SHC4: variants seen among roughly 807,000 people sequenced by gnomAD.
SHC4 encodes SHC-transforming protein 4.
Under a neutral mutation model 69.4 loss-of-function variants are expected in SHC4, and 41 were observed. That is an observed-to-expected ratio of 0.59 (90% confidence interval 0.46 to 0.77). SHC4 has a LOEUF of 0.77. Ranked by LOEUF, SHC4 falls within the 30% of genes least tolerant of loss-of-function variation. The pLI, the probability that SHC4 is intolerant of heterozygous loss-of-function variation, is 0.00. For missense variants in SHC4, 777 were observed against 783.8 expected (o/e 0.99, Z 0.10); for synonymous variants, 318 against 299.3 (o/e 1.06, Z -0.64).
At chr15:48,892,345 C>T (rs993604720) in intron 2 of SHC4, among the ~76,000 whole-genome samples, 7 of 152,054 alleles carry the variant, frequency 4.6e-5, no homozygotes, top group Non-Finnish European at 1.0e-4. Flanking sequence ...ATTATCTTGT[C>T]TGATTTTTGC....
At chr15:48,927,995 G>T (rs563616593) in intron 1 of SHC4, among the ~76,000 whole-genome samples, 1 of 152,228 alleles carries the variant, frequency 6.6e-6, no homozygotes, top group South Asian at 2.1e-4. Context: ...GTGGGCACTC[G>T]ATAAACACTT....
intron 1 of SHC4, among the ~76,000 whole-genome samples, chr15:48,925,753 G>A (rs1900843076): frequency 6.6e-6 from 1 of 152,200 alleles, no homozygotes; most frequent in African/African-American, 2.4e-5. Context: ...GGAGGCTTAA[G>A]TCAGCGGCAG....
chr15:48,836,501 T>TA (rs1473327243), intron 10 of SHC4, among the ~76,000 whole-genome samples: 1 of 152,192 alleles, frequency 6.6e-6, no homozygotes, highest in Non-Finnish European at 1.5e-5. Flanking sequence ...GTATGTTTAA[T>TA]AAGGCAAATT....
chr15:48,848,840 A>T (rs1317818647), intron 9 of SHC4, among the ~76,000 whole-genome samples: 5 of 152,100 alleles, frequency 3.3e-5, no homozygotes, highest in African/African-American at 1.2e-4. Flanking sequence ...ATTTTTTTTT[A>T]ATTAATCAAG....
chr15:48,902,184 G>C (rs962436178), intron 2 of SHC4, among the ~76,000 whole-genome samples: 7 of 149,930 alleles, frequency 4.7e-5, no homozygotes, highest in Non-Finnish European at 1.0e-4. Context: ...GCCTGGGCCA[G>C]GAAGTGAGAC....
Position 48,962,958 on chromosome 15 carries a change from C to T in SHC4, c.58G>A (p.Gly20Arg), listed in dbSNP as rs777019738. ...AGLVLYVGLF[G>R]HPGMLHRAKY... ...GCCCTGTGCAGCATCCCGGGGTGCC[C>T]GAAGAGTCCTACATACAGCACGAGT... The change falls in exon 1 of 12, where the codon GGG becomes AGG. Residue 20 changes from glycine (G) to arginine (R), a missense_variant. Coordinates refer to ENST00000332408, the MANE Select transcript of SHC4 (RefSeq NM_203349.4). 6.2e-7 allele frequency: 1 copy of T among 1,612,970 alleles called. No individual in the cohort carries two copies. The highest frequency in any genetic ancestry group is 8.5e-7 in the Non-Finnish European group (1 of 1,179,940).
chr15:48,917,956 C>T (rs763102653), intron 2 of SHC4, among the ~76,000 whole-genome samples: 21 of 152,290 alleles, frequency 1.4e-4, no homozygotes, highest in Admixed American at 2.6e-4. Context: ...GTTGCTGTCT[C>T]CCTGATATTT....
chr15:48,913,727 T>C (rs1202355705), intron 2 of SHC4, among the ~76,000 whole-genome samples: 1 of 152,146 alleles, frequency 6.6e-6, no homozygotes, highest in East Asian at 1.9e-4. Context: ...TCCCTGTGGT[T>C]CCAGGCAGGA....
At chr15:48,892,527 T>C (rs547263889) in intron 2 of SHC4, among the ~76,000 whole-genome samples, 1 of 152,254 alleles carries the variant, frequency 6.6e-6, no homozygotes, top group South Asian at 2.1e-4. Context: ...TTTTGAGTCA[T>C]CTTAATGACT....
chr15:48,942,355 A>G (rs1901190691), intron 1 of SHC4, among the ~76,000 whole-genome samples: 1 of 152,192 alleles, frequency 6.6e-6, no homozygotes, highest in Admixed American at 6.6e-5. Flanking sequence ...GGTTCCCATT[A>G]AAATCGAACA....
chr15:48,857,532 G>T (rs929645274), intron 7 of SHC4, among the ~76,000 whole-genome samples, 160 bp downstream of exon 7: 1 of 151,968 alleles, frequency 6.6e-6, no homozygotes, highest in Non-Finnish European at 1.5e-5. Flanking sequence ...ATATTATTTT[G>T]TACTGAGACT....
chr15:48,885,223 G>T (rs1427660575), intron 3 of SHC4, among the ~76,000 whole-genome samples: 1 of 152,170 alleles, frequency 6.6e-6, no homozygotes, highest in Non-Finnish European at 1.5e-5. Context: ...CAACAGGGGG[G>T]CGAGAGGCTG....
At chr15:48,957,805 T>C (rs1483595595) in intron 1 of SHC4, among the ~76,000 whole-genome samples, 3 of 152,162 alleles carry the variant, frequency 2.0e-5, no homozygotes, top group African/African-American at 7.2e-5. Flanking sequence ...TTATATTAGA[T>C]GAGAGTGAGC....
intron 2 of SHC4, among the ~76,000 whole-genome samples, chr15:48,917,661 C>G (rs532040017): frequency 6.6e-6 from 1 of 152,278 alleles, no homozygotes; most frequent in South Asian, 2.1e-4. Context: ...AAAAGCCATT[C>G]AAGTGGCTCC....
At chr15:48,863,451 GTTTA>G (rs1173472077) in intron 6 of SHC4, among the ~76,000 whole-genome samples, 3 of 140,022 alleles carry the variant, frequency 2.1e-5, no homozygotes, top group African/African-American at 5.4e-5. Context: ...CATTCTATGA[GTTTA>G]TTTAATTTGC....
chr15:48,880,886 A>C (rs977057832), intron 4 of SHC4, among the ~76,000 whole-genome samples: 64 of 152,206 alleles, frequency 4.2e-4, no homozygotes, highest in African/African-American at 1.4e-3. Context: ...TAGCTCAGTA[A>C]CTGGGAAATT....
rs967460521 is a variant in SHC4 at position 48,868,441 on chromosome 15, A to T, written c.895-572T>A. 1.1e-4 allele frequency among the ~76,000 whole-genome samples: 16 copies of T among 152,134 alleles called. No individual in the cohort carries two copies. The South Asian group carries it at 1.5e-3, about 14-fold the overall frequency. On this transcript the variant is annotated intron_variant, in intron 5 of 11. Coordinates refer to ENST00000332408, the MANE Select transcript of SHC4 (RefSeq NM_203349.4). ...ATATACAGAAAAGAAAAATCATTTT[A>T]AAAAAAAGAGAACCCCTGAAAAACT...
chr15:48,902,076 C>T (rs1196819693), intron 2 of SHC4, among the ~76,000 whole-genome samples: 1 of 151,936 alleles, frequency 6.6e-6, no homozygotes, highest in Non-Finnish European at 1.5e-5. Flanking sequence ...TTTGCTTGCA[C>T]CTGTAGTCCC....
chr15:48,909,320 T>A (rs1183649411), intron 2 of SHC4, among the ~76,000 whole-genome samples: 1 of 149,406 alleles, frequency 6.7e-6, no homozygotes, highest in Non-Finnish European at 1.5e-5. Context: ...GTAAAAGGGG[T>A]TGAGTTCTTG....
Sources: allele counts gnomAD v4.1 joint callset (sites outside exome capture counted in the v4.1 genomes callset), GRCh38; gene constraint gnomAD v4.1.1; transcripts MANE v1.5; gene names NCBI Gene and HGNC (gene_info 2026-07-23, HGNC 2026-07-21).